The following FAM117B variants were observed in gnomAD, a reference collection of about 807,000 sequenced individuals.
FAM117B encodes the protein protein FAM117B.
A neutral mutation model predicts 52.8 loss-of-function variants in FAM117B; 22 were observed. The ratio of observed to expected loss-of-function variants is 0.42; its 90% confidence interval spans 0.30 to 0.59. FAM117B has a LOEUF of 0.59. Among genes scored for constraint, FAM117B ranks in the 20% least tolerant of loss-of-function variants. FAM117B has a pLI of 0.22. For missense variants in FAM117B, 678 were observed against 802.6 expected, an observed-to-expected ratio of 0.84 and a Z score of 1.88; for synonymous variants, 309 against 324.1, an observed-to-expected ratio of 0.95 and a Z score of 0.50.
At chr2:202,676,968 G>A (rs1430965672) in intron 1 of FAM117B, among the ~76,000 whole-genome samples, 1 of 152,074 alleles carries the variant, frequency 6.6e-6, no homozygotes, top group Non-Finnish European at 1.5e-5. Flanking sequence ...TTATGTAGAG[G>A]CAGAAAGCTT....
chr2:202,725,982 A>G (rs181826007), intron 3 of FAM117B, among the ~76,000 whole-genome samples: 1 of 152,336 alleles, frequency 6.6e-6, no homozygotes, highest in Non-Finnish European at 1.5e-5. Context: ...TTCTTCGTGA[A>G]AACTGTAATG....
intron 1 of FAM117B, among the ~76,000 whole-genome samples, chr2:202,640,811 A>G (rs577768315): frequency 1.7e-4 from 26 of 152,002 alleles, no homozygotes; most frequent in Non-Finnish European, 3.2e-4. Flanking sequence ...GGGTTTCACC[A>G]TGTTGCCCAG....
intron 1 of FAM117B, among the ~76,000 whole-genome samples, chr2:202,692,768 A>G (rs1383138183): frequency 6.6e-6 from 1 of 152,204 alleles, no homozygotes; most frequent in Non-Finnish European, 1.5e-5. Flanking sequence ...TGTAGTGCTG[A>G]GCAGCAGTGT....
chr2:202,641,647 T>C (rs866532638), intron 1 of FAM117B, among the ~76,000 whole-genome samples: 1 of 151,614 alleles, frequency 6.6e-6, no homozygotes, highest in Non-Finnish European at 1.5e-5. Flanking sequence ...TTTTCTTTTT[T>C]TTTTTTTTTG....
chr2:202,724,896 T>TC, intron 2 of FAM117B, 21 bp from the exon 3 acceptor site: 1 of 1,566,044 alleles, frequency 6.4e-7, no homozygotes, highest in Non-Finnish European at 8.7e-7. Context: ...TAAATACACC[T>TC]CCCCTCTTTT....
chr2:202,651,930 G>A (rs1335025572), intron 1 of FAM117B, among the ~76,000 whole-genome samples: 1 of 151,512 alleles, frequency 6.6e-6, no homozygotes, highest in Non-Finnish European at 1.5e-5. Flanking sequence ...ATGCATGCCT[G>A]TAATCCCAGC....
chr2:202,707,776 T>C (rs997043296), intron 2 of FAM117B, among the ~76,000 whole-genome samples: 1 of 151,940 alleles, frequency 6.6e-6, no homozygotes, highest in African/African-American at 2.4e-5. Context: ...AACTTAATTT[T>C]TTTTTTTTTT....
intron 1 of FAM117B, among the ~76,000 whole-genome samples, chr2:202,690,064 G>C (rs1690598306): frequency 6.6e-6 from 1 of 152,158 alleles, no homozygotes; most frequent in Non-Finnish European, 1.5e-5. Context: ...CTCCACTAGT[G>C]CAGCTGAAAT....
intron 4 of FAM117B, among the ~76,000 whole-genome samples, chr2:202,747,605 T>C (rs1469671137): frequency 2.0e-5 from 3 of 152,088 alleles, no homozygotes; most frequent in Non-Finnish European, 4.4e-5. Context: ...TTTACTAAAG[T>C]CGCTGGATAC....
chr2:202,714,766 T>C (rs1320266090), intron 2 of FAM117B, among the ~76,000 whole-genome samples: 3 of 152,058 alleles, frequency 2.0e-5, no homozygotes, highest in Non-Finnish European at 4.4e-5. Context: ...AGCATCTGTT[T>C]AACAAAGCAC....
intron 2 of FAM117B, among the ~76,000 whole-genome samples, chr2:202,721,978 A>G (rs944598915): frequency 3.3e-5 from 5 of 151,424 alleles, no homozygotes; most frequent in Non-Finnish European, 5.9e-5. Flanking sequence ...TTAAAAATTC[A>G]TATAAGAGAA....
At chr2:202,651,370 C>A (rs1214478717) in intron 1 of FAM117B, among the ~76,000 whole-genome samples, 1 of 150,058 alleles carries the variant, frequency 6.7e-6, no homozygotes, top group Non-Finnish European at 1.5e-5. Context: ...CCTTAATTTA[C>A]CATTCCTTTT....
chr2:202,635,685 C>T lies in FAM117B; in HGVS notation c.498C>T (p.Ser166=), dbSNP rs987323271. 7 of 1,409,512 alleles carry T rather than the reference C, an allele frequency of 5.0e-6. No homozygotes were observed. The highest frequency in any genetic ancestry group is 6.5e-6 in the Non-Finnish European group (7 of 1,082,580). 87.3% of individuals were successfully genotyped at this position (1,409,512 alleles called of 1,614,324 possible). The change falls in exon 1 of 8, where the codon AGC becomes AGT. Residue 166 remains serine (S), a synonymous_variant. Coordinates refer to ENST00000392238, the MANE Select transcript of FAM117B (RefSeq NM_173511.4). Reference sequence around the variant, plus strand: ...CCCACCTGTGGACCGGCGAGGTGAGCGCGGCCCCACCCCCAGCCCGCGTCC... The same window carrying T: ...CCCACCTGTGGACCGGCGAGGTGAGTGCGGCCCCACCCCCAGCCCGCGTCC... ...SPTHLWTGEV[S]AAPPPARVRH...
chr2:202,673,950 C>T (rs536589004), intron 1 of FAM117B, among the ~76,000 whole-genome samples: 2 of 151,998 alleles, frequency 1.3e-5, no homozygotes, highest in African/African-American at 2.4e-5. Flanking sequence ...TGATTTAATC[C>T]GCATAGCAAT....
At chr2:202,672,611 T>A (rs1372940228) in intron 1 of FAM117B, among the ~76,000 whole-genome samples, 1 of 152,250 alleles carries the variant, frequency 6.6e-6, no homozygotes, top group Non-Finnish European at 1.5e-5. Context: ...AACTTCACAT[T>A]CTTATATAAG....
At chr2:202,734,671 C>T (rs1161829205) in intron 4 of FAM117B, among the ~76,000 whole-genome samples, 2 of 152,060 alleles carry the variant, frequency 1.3e-5, no homozygotes, top group South Asian at 2.1e-4. Flanking sequence ...ATTACCTGTT[C>T]GTTGTGTTGT....
At chr2:202,689,392 G>A (rs1690589308) in intron 1 of FAM117B, among the ~76,000 whole-genome samples, 1 of 152,070 alleles carries the variant, frequency 6.6e-6, no homozygotes, top group African/African-American at 2.4e-5. Context: ...GCAGTGAGCC[G>A]AGATCATGCC....
chr2:202,709,858 G>A (rs1690931995), intron 2 of FAM117B, among the ~76,000 whole-genome samples: 1 of 152,082 alleles, frequency 6.6e-6, no homozygotes, highest in Admixed American at 6.5e-5. Flanking sequence ...TTTGCATGAG[G>A]ATATTCAGTT....
intron 1 of FAM117B, among the ~76,000 whole-genome samples, chr2:202,660,559 G>T (rs1050852203): frequency 6.6e-6 from 1 of 152,108 alleles, no homozygotes; most frequent in African/African-American, 2.4e-5. Flanking sequence ...CAGCCTTTAG[G>T]TGTGCCTGGA....
Sources: allele counts gnomAD v4.1 joint callset (sites outside exome capture counted in the v4.1 genomes callset), GRCh38; gene constraint gnomAD v4.1.1; transcripts MANE v1.5; gene names NCBI Gene and HGNC (gene_info 2026-07-23, HGNC 2026-07-21).